Variants in CTNNA3 observed in about 807,000 individuals in gnomAD.
CTNNA3 encodes catenin alpha 3, also known as catenin alpha-3.
In CTNNA3, 76 loss-of-function variants were observed where a neutral mutation model predicts 95.7. The observed-to-expected ratio is 0.79, with a 90% CI of 0.66 to 0.96. The LOEUF is 0.96. Among genes scored for constraint, CTNNA3 ranks in the 40% least tolerant of loss-of-function variants. The pLI is 0.00. For missense variants in CTNNA3, 1,191 were observed against 1,089.8 expected (o/e 1.09, Z -1.31); for synonymous variants, 431 against 374.4 (o/e 1.15, Z -1.74).
chr10:67,034,292 T>A (rs1467242912), intron 7 of CTNNA3, among the ~76,000 whole-genome samples: 1 of 152,170 alleles, frequency 6.6e-6, no homozygotes, highest in African/African-American at 2.4e-5. Context: ...TGCCAAGCAA[T>A]CATTTATTCA....
intron 5 of CTNNA3, among the ~76,000 whole-genome samples, chr10:67,285,324 A>G (rs1839555762): frequency 6.6e-6 from 1 of 152,144 alleles, no homozygotes; most frequent in African/African-American, 2.4e-5. Context: ...TCATCCGTAA[A>G]CTTCACATAT....
intron 11 of CTNNA3, among the ~76,000 whole-genome samples, chr10:66,401,201 A>G (rs977950125): frequency 3.9e-5 from 6 of 152,104 alleles, no homozygotes; most frequent in Non-Finnish European, 4.4e-5. Flanking sequence ...TAAGATTTAC[A>G]GTCTCTGAGA....
At chr10:66,561,827 G>A (rs1303897243) in intron 10 of CTNNA3, among the ~76,000 whole-genome samples, 1 of 151,986 alleles carries the variant, frequency 6.6e-6, no homozygotes, top group Non-Finnish European at 1.5e-5. Context: ...CCATTTTTTT[G>A]TTGTTTGCAT....
intron 2 of CTNNA3, among the ~76,000 whole-genome samples, chr10:67,615,507 G>A (rs1369024490): frequency 2.6e-5 from 4 of 152,136 alleles, no homozygotes; most frequent in South Asian, 2.1e-4. Context: ...AAAAACAAAC[G>A]AGTTTGGACT....
intron 5 of CTNNA3, among the ~76,000 whole-genome samples, chr10:67,445,553 G>A (rs997423786): frequency 6.6e-6 from 1 of 152,110 alleles, no homozygotes; most frequent in East Asian, 1.9e-4. Flanking sequence ...AGAAGGCAGA[G>A]CCCTCATGAC....
chr10:66,644,641 C>T lies in CTNNA3; in HGVS notation c.1282-22857G>A, dbSNP rs577782660. Reference sequence around the variant, plus strand: ...TTTATCCCCGTCTTACAAAATGTTACCACATCATCCCCCTGTGGTAACATT... The same window carrying T: ...TTTATCCCCGTCTTACAAAATGTTATCACATCATCCCCCTGTGGTAACATT... On this transcript the variant is annotated intron_variant, in intron 9 of 17. Transcript: ENST00000433211. Among the ~76,000 whole-genome samples the T allele has an allele frequency of 4.0e-5, 6 of 151,882 alleles. No homozygotes were observed. In the South Asian group the frequency reaches 1.2e-3, roughly 32 times the overall value.
Position 67,527,014 on chromosome 10 carries a change from T to G in CTNNA3, c.460-5053A>C, listed in dbSNP as rs60442233. On this transcript the variant is annotated intron_variant, in intron 4 of 17. Transcript: ENST00000433211. ...GGCTCACGCTGTAATCTCAGCACTT[T>G]GGGAGGCCGAGGCTGGCAGATCAAT... is the stretch of plus-strand genomic sequence containing the variant. Among the ~76,000 whole-genome samples, 422 of 152,306 alleles carry G rather than the reference T, an allele frequency of 2.8e-3. 3 individuals carry two copies. Among genetic ancestry groups the G allele is most frequent in the African/African-American group, 9.7e-3 (405 of 41,572 alleles).
intron 7 of CTNNA3, among the ~76,000 whole-genome samples, chr10:67,161,539 C>T (rs1262685027): frequency 6.6e-6 from 1 of 151,498 alleles, no homozygotes; most frequent in Non-Finnish European, 1.5e-5. Flanking sequence ...GATATATACT[C>T]AAAAATACTA....
At position 67,606,942 on chromosome 10, in the gene CTNNA3, T is replaced by C. The variant is rs2133379468; in HGVS notation, c.207A>G (p.Leu69=). The stretch of plus-strand genomic sequence containing the variant: ...GGGCAATCTTCTCTCCCTTGTCTAA[T>C]AAATTCCAAGTTGCTTCCTCCACAG... ...LASVEEATWN[L]LDKGEKIAQE... Residue 69 remains leucine (L), a synonymous_variant, in exon 3 of 18, where the codon TTA becomes TTG. Coordinates refer to ENST00000433211, the MANE Select transcript of CTNNA3 (RefSeq NM_013266.4). 6.2e-7 allele frequency: 1 copy of C among 1,614,112 alleles called. No individual in the cohort carries two copies. Among genetic ancestry groups the C allele is most frequent in the African/African-American group, 1.3e-5 (1 of 75,050 alleles).
At chr10:65,960,216 AAATC>A (rs2133237105) in intron 17 of CTNNA3, among the ~76,000 whole-genome samples, 1 of 152,262 alleles carries the variant, frequency 6.6e-6, no homozygotes, top group East Asian at 1.9e-4. Context: ...AAGTTAGACT[AAATC>A]AATTTTTTAT....
intron 13 of CTNNA3, among the ~76,000 whole-genome samples, chr10:66,166,088 C>T (rs1395572087): frequency 2.0e-5 from 3 of 151,836 alleles, no homozygotes; most frequent in Admixed American, 1.3e-4. Context: ...TTCAAAAATG[C>T]TTTCACAGAA....
intron 5 of CTNNA3, among the ~76,000 whole-genome samples, chr10:67,417,365 C>T (rs1238755034): frequency 1.3e-5 from 2 of 152,084 alleles, no homozygotes; most frequent in Non-Finnish European, 2.9e-5. Flanking sequence ...CAACAGTGGA[C>T]GGGATCTATA....
chr10:66,665,604 G>C (rs1178816002), intron 9 of CTNNA3, among the ~76,000 whole-genome samples: 1 of 152,166 alleles, frequency 6.6e-6, no homozygotes, highest in African/African-American at 2.4e-5. Context: ...TATAAACATT[G>C]TCTAACTTCC....
At chr10:66,413,059 G>A (rs992923481) in intron 11 of CTNNA3, among the ~76,000 whole-genome samples, 1 of 152,094 alleles carries the variant, frequency 6.6e-6, no homozygotes, top group Non-Finnish European at 1.5e-5. Flanking sequence ...CAGAGTAGCA[G>A]GTCACAAGTC....
At chr10:65,932,808 C>T (rs2077275288) in intron 17 of CTNNA3, among the ~76,000 whole-genome samples, 1 of 152,106 alleles carries the variant, frequency 6.6e-6, no homozygotes, top group Non-Finnish European at 1.5e-5. Flanking sequence ...AAAAATCCTT[C>T]ATCATTGAAC....
intron 7 of CTNNA3, among the ~76,000 whole-genome samples, chr10:66,887,158 TA>T (rs1328727179): frequency 6.6e-6 from 1 of 152,216 alleles, no homozygotes; most frequent in African/African-American, 2.4e-5. Context: ...ACTGGTTTGC[TA>T]GTTAACAGTT....
chr10:67,480,059 C>A (rs1485941108), intron 5 of CTNNA3, among the ~76,000 whole-genome samples: 1 of 151,476 alleles, frequency 6.6e-6, no homozygotes, highest in Non-Finnish European at 1.5e-5. Flanking sequence ...CTGGACAGAC[C>A]AATAACAAGT....
In CTNNA3 at chr10:65,919,837, A is replaced by C. The variant is rs575624991; in HGVS notation, c.*493T>G. Reference sequence around the variant, plus strand: ...TTTTTTGCTATGGCAGGAATCATACATTTCTGCCTGGTTAGGTGCCAGGTT... The same window carrying C: ...TTTTTTGCTATGGCAGGAATCATACCTTTCTGCCTGGTTAGGTGCCAGGTT... On this transcript the variant is annotated 3_prime_UTR_variant, in exon 18 of 18. Transcript: ENST00000433211. 1 of 154,904 alleles carries C rather than the reference A, an allele frequency of 6.5e-6. No homozygotes were observed. Among genetic ancestry groups the C allele is most frequent in the East Asian group, 1.9e-4 (1 of 5,264 alleles). 9.6% of individuals were successfully genotyped at this position (154,904 alleles called of 1,614,324 possible).
At chr10:65,980,932 C>A (rs1401066817) in intron 16 of CTNNA3, among the ~76,000 whole-genome samples, 3 of 151,982 alleles carry the variant, frequency 2.0e-5, no homozygotes, top group Non-Finnish European at 2.9e-5. Flanking sequence ...ATAACTGGGA[C>A]AAGACAAGGA....
Sources: gnomAD v4.1 joint callset for allele counts (sites outside exome capture counted in the v4.1 genomes callset) on GRCh38, gnomAD v4.1.1 for gene constraint, MANE v1.5 for transcripts, NCBI Gene and HGNC (gene_info 2026-07-23, HGNC 2026-07-21) for gene names.